Variants in HPSE2 observed in about 807,000 individuals in gnomAD.
The protein encoded by HPSE2 is heparanase 2 (inactive), also known as inactive heparanase-2.
A neutral mutation model predicts 60.5 loss-of-function variants in HPSE2; 38 were observed. The observed-to-expected ratio is 0.63, with a 90% confidence interval of 0.48 to 0.82. The LOEUF (loss-of-function observed/expected upper bound fraction) is 0.82, where lower values mean the gene tolerates loss of function less well. Among genes scored for constraint, HPSE2 ranks in the 40% least tolerant of loss-of-function variants. The probability of loss-of-function intolerance (pLI) is 0.00; values close to 1 mark genes in which losing one functional copy is unlikely to be tolerated. For synonymous variants in HPSE2, 295 were observed against 293.2 expected (o/e 1.01, Z -0.06); for missense variants, 713 against 740.4 (o/e 0.96, Z 0.43).
intron 3 of HPSE2, among the ~76,000 whole-genome samples, chr10:98,898,794 A>T (rs1953573896): frequency 6.6e-6 from 1 of 152,204 alleles, no homozygotes; most frequent in Non-Finnish European, 1.5e-5. Flanking sequence ...TGGTGTAAAG[A>T]TCAACAGATA....
chr10:99,088,203 CTTTA>C (rs567526501), intron 3 of HPSE2, among the ~76,000 whole-genome samples: 209 of 152,084 alleles, frequency 1.4e-3, no homozygotes, highest in African/African-American at 4.5e-3. Flanking sequence ...CCCCTCAATA[CTTTA>C]TTTATTTATT....
chr10:98,664,081 C>T (rs377359340), intron 6 of HPSE2, among the ~76,000 whole-genome samples: 47 of 152,152 alleles, frequency 3.1e-4, no homozygotes, highest in African/African-American at 1.1e-3. Context: ...TTGAACTCTG[C>T]TGGTGGGTAC....
intron 3 of HPSE2, among the ~76,000 whole-genome samples, chr10:98,891,551 C>T (rs1013941636): frequency 1.3e-5 from 2 of 151,918 alleles, no homozygotes; most frequent in African/African-American, 4.8e-5. Context: ...TGGAGTCAAG[C>T]AATCTTCCCA....
chr10:98,548,608 C>G (rs1943765787), intron 9 of HPSE2, among the ~76,000 whole-genome samples: 2 of 134,006 alleles, frequency 1.5e-5, no homozygotes, highest in South Asian at 5.7e-4. Context: ...CAGAGTGAGA[C>G]TCCATCTCAA....
At chr10:99,308,606 G>C in the HPSE2 span, among the ~76,000 whole-genome samples, 1 of 152,042 alleles carries the variant, frequency 6.6e-6, no homozygotes, top group Non-Finnish European at 1.5e-5. Flanking sequence ...GTTACCCAGA[G>C]ATAACTTTGC....
At chr10:99,286,899 C>T in the HPSE2 span, among the ~76,000 whole-genome samples, 5 of 152,118 alleles carry the variant, frequency 3.3e-5, no homozygotes, top group Admixed American at 6.6e-5. Context: ...ATACTTTTAT[C>T]ATCCCATTTT....
At chr10:98,472,967 T>A (rs1279704587) in intron 11 of HPSE2, among the ~76,000 whole-genome samples, 2 of 152,058 alleles carry the variant, frequency 1.3e-5, no homozygotes, top group Non-Finnish European at 2.9e-5. Context: ...GCAAAGGACA[T>A]AGAAAATTCA....
intron 9 of HPSE2, among the ~76,000 whole-genome samples, chr10:98,520,328 A>G (rs932780786): frequency 4.6e-5 from 7 of 152,352 alleles, no homozygotes; most frequent in East Asian, 1.9e-4. Context: ...CAACGAGGCC[A>G]GTGCCTCCAT....
At chr10:99,274,576 G>C in the HPSE2 span, among the ~76,000 whole-genome samples, 435 of 152,174 alleles carry the variant, frequency 2.9e-3, 2 homozygotes, top group Non-Finnish European at 5.2e-3. Flanking sequence ...TGTAGTCTGT[G>C]TCCAAATATT....
chr10:99,182,802 C>T (rs983935540), intron 2 of HPSE2, among the ~76,000 whole-genome samples: 3 of 151,970 alleles, frequency 2.0e-5, no homozygotes, highest in Non-Finnish European at 4.4e-5. Context: ...CGAGACCATC[C>T]TGGCCAACAT....
At chr10:98,620,414 A>G (rs1946041232) in intron 8 of HPSE2, among the ~76,000 whole-genome samples, 188 bp downstream of exon 8, 2 of 152,230 alleles carry the variant, frequency 1.3e-5, no homozygotes, top group African/African-American at 2.4e-5. Context: ...CCTGTGCCTG[A>G]CATTTTAATA....
At chr10:99,254,753 A>G in the HPSE2 span, among the ~76,000 whole-genome samples, 2 of 152,208 alleles carry the variant, frequency 1.3e-5, no homozygotes, top group African/African-American at 4.8e-5. Flanking sequence ...ATGGAGTACT[A>G]ATATAAACTA....
chr10:98,960,753 T>TTTTTTTTTTTTTTTTG, intron 3 of HPSE2, among the ~76,000 whole-genome samples: 1 of 122,296 alleles, frequency 8.2e-6, no homozygotes, highest in African/African-American at 3.0e-5. Flanking sequence ...TTTTTTTTTA[T>TTTTTTTTTTTTTTTTG]TATACTCTAA....
At chr10:99,097,213 A>T (rs1408662994) in intron 3 of HPSE2, among the ~76,000 whole-genome samples, 1 of 152,154 alleles carries the variant, frequency 6.6e-6, no homozygotes, top group African/African-American at 2.4e-5. Context: ...TGTGCTTCAA[A>T]TAGGGGACAG....
rs189552079 is a variant in HPSE2, at chr10:98,502,265, T to C, written c.1321-12069A>G. ...AGCAAGACTAAGCAAAAAGAACAAA[T>C]TGAGAGGCATCGCACACTACCTGAT... On this transcript the variant is annotated intron_variant, in intron 9 of 11. Transcript: ENST00000370552. 7.2e-4 allele frequency among the ~76,000 whole-genome samples: 109 copies of C among 152,082 alleles called. 1 individual carries two copies. The South Asian group carries it at 8.7e-3, about 12-fold the overall frequency.
At chr10:99,098,365 C>T (rs1843796669) in intron 3 of HPSE2, among the ~76,000 whole-genome samples, 1 of 152,080 alleles carries the variant, frequency 6.6e-6, no homozygotes, top group African/African-American at 2.4e-5. Flanking sequence ...GAGTTGGGCA[C>T]CCTCAGATTT....
At chr10:99,207,253 T>C (rs564115839) in intron 2 of HPSE2, among the ~76,000 whole-genome samples, 1 of 152,070 alleles carries the variant, frequency 6.6e-6, no homozygotes, top group East Asian at 1.9e-4. Context: ...GATGACATAT[T>C]CTAAGGGCTA....
At chr10:99,179,290 A>C (rs1847660574) in intron 2 of HPSE2, among the ~76,000 whole-genome samples, 1 of 152,212 alleles carries the variant, frequency 6.6e-6, no homozygotes. Context: ...CAAAAGAAAG[A>C]AATCAAGGGT....
intron 9 of HPSE2, among the ~76,000 whole-genome samples, chr10:98,550,284 T>C (rs568107642): frequency 2.6e-5 from 2 of 77,642 alleles, no homozygotes; most frequent in East Asian, 1.2e-3. Flanking sequence ...TTATTAATGC[T>C]TAGCATTTTT....
Sources: gnomAD v4.1 joint callset for allele counts (sites outside exome capture counted in the v4.1 genomes callset) on GRCh38, gnomAD v4.1.1 for gene constraint, MANE v1.5 for transcripts, NCBI Gene and HGNC (gene_info 2026-07-23, HGNC 2026-07-21) for gene names.